ARID4B: variants seen among roughly 807,000 people sequenced by gnomAD.
ARID4B encodes the protein AT-rich interactive domain-containing protein 4B.
ARID4B carries 26 observed loss-of-function variants against 147.5 expected under a neutral mutation model. That is an observed-to-expected ratio of 0.18 (90% CI 0.13 to 0.24). ARID4B has a LOEUF of 0.24. ARID4B is among the 10% of genes least tolerant of loss of function. ARID4B has a pLI of 1.00. For synonymous variants in ARID4B, 512 were observed against 507.9 expected, an observed-to-expected ratio of 1.01 and a Z score of -0.11; for missense variants, 1,179 against 1,511.5, an observed-to-expected ratio of 0.78 and a Z score of 3.65.
chr1:235,264,101 G>C (rs1028733991), intron 2 of ARID4B, among the ~76,000 whole-genome samples: 1 of 152,168 alleles, frequency 6.6e-6, no homozygotes, highest in Non-Finnish European at 1.5e-5. Context: ...AGAAAAAGCA[G>C]TGATCTGTGT....
At chr1:235,189,545 A>T (rs1664941785) in intron 19 of ARID4B, among the ~76,000 whole-genome samples, 1 of 152,112 alleles carries the variant, frequency 6.6e-6, no homozygotes, top group South Asian at 2.1e-4. Context: ...TTAAAAGGTG[A>T]GCATATTAGA....
chr1:235,295,897 C>G (rs1299434445), intron 2 of ARID4B: 1 of 152,722 alleles, frequency 6.5e-6, no homozygotes. Flanking sequence ...AGCCCCTGCT[C>G]TCCCAACGTC....
intron 20 of ARID4B, among the ~76,000 whole-genome samples, chr1:235,178,164 G>C (rs1664023077): frequency 6.6e-6 from 1 of 151,988 alleles, no homozygotes; most frequent in African/African-American, 2.4e-5. Context: ...AAAAAAATCA[G>C]ATATAAACTG....
At chr1:235,314,377 GTTA>G (rs1250097829) in intron 2 of ARID4B, among the ~76,000 whole-genome samples, 1 of 152,120 alleles carries the variant, frequency 6.6e-6, no homozygotes, top group Non-Finnish European at 1.5e-5. Context: ...CAAGGTAGCT[GTTA>G]TTATTCTCAT....
chr1:235,302,170 AAAAAAAAC>A (rs1673207274), intron 2 of ARID4B, among the ~76,000 whole-genome samples: 1 of 145,854 alleles, frequency 6.9e-6, no homozygotes, highest in South Asian at 2.2e-4. Context: ...AAAAAAAAAA[AAAAAAAAC>A]AGCAAAAAAA....
chr1:235,187,075 T>C, intron 19 of ARID4B: 1 of 384,186 alleles, frequency 2.6e-6, no homozygotes, highest in Non-Finnish European at 4.9e-6. Flanking sequence ...CTGCATCTTA[T>C]TCTTTTTTTT....
At chr1:235,229,790 A>G (rs918974104) in intron 10 of ARID4B, among the ~76,000 whole-genome samples, 9 of 152,268 alleles carry the variant, frequency 5.9e-5, no homozygotes, top group Admixed American at 5.9e-4. Context: ...AATATACAAT[A>G]CCTGAAAACT....
chr1:235,214,191 C>CTG (rs1666899571), intron 16 of ARID4B, among the ~76,000 whole-genome samples, 165 bp from the exon 17 acceptor site: 1 of 152,080 alleles, frequency 6.6e-6, no homozygotes, highest in South Asian at 2.1e-4. Context: ...AAAACTAAAA[C>CTG]TGTAAGACAA....
At chr1:235,273,098 C>T (rs186923814) in intron 2 of ARID4B, among the ~76,000 whole-genome samples, 13 of 152,272 alleles carry the variant, frequency 8.5e-5, no homozygotes, top group African/African-American at 7.2e-5. Flanking sequence ...AGTGCAGTGG[C>T]GCAATCTTGG....
rs575255158 is a variant in ARID4B at position 235,208,780 on chromosome 1, G to A, written c.1841+4989C>T. Among the ~76,000 whole-genome samples, 6 of 152,218 alleles carry A rather than the reference G, an allele frequency of 3.9e-5. No individual in the cohort carries two copies. The South Asian group carries it at 1.2e-3, about 32-fold the overall frequency. ...GATCCGCCCACCTCGGCCTCCCAAA[G>A]TGCTGGGATTACAGGCGTGAGCCAC... On this transcript the variant is annotated intron_variant, in intron 17 of 23. Coordinates refer to ENST00000264183, the MANE Select transcript of ARID4B (RefSeq NM_016374.6).
chr1:235,313,625 G>T (rs546334484), intron 2 of ARID4B, among the ~76,000 whole-genome samples: 2 of 152,258 alleles, frequency 1.3e-5, no homozygotes, highest in South Asian at 4.1e-4. Context: ...TGCTTATCCA[G>T]AAAATAAGTA....
At chr1:235,268,030 T>C (rs967419525) in intron 2 of ARID4B, among the ~76,000 whole-genome samples, 3 of 152,068 alleles carry the variant, frequency 2.0e-5, no homozygotes, top group African/African-American at 7.2e-5. Flanking sequence ...AAGGGTTGAA[T>C]AGGCACAAGG....
chr1:235,230,666 A>G (rs1399044081), intron 10 of ARID4B, among the ~76,000 whole-genome samples: 1 of 151,232 alleles, frequency 6.6e-6, no homozygotes, highest in Non-Finnish European at 1.5e-5. Context: ...TCACACCTGT[A>G]ATCCTAGCAC....
chr1:235,285,678 C>T (rs938940185), intron 2 of ARID4B, among the ~76,000 whole-genome samples: 3 of 152,132 alleles, frequency 2.0e-5, no homozygotes, highest in African/African-American at 4.8e-5. Flanking sequence ...CAACATGATC[C>T]GCTACCAAGG....
chr1:235,202,954 C>G (rs1307165737), intron 17 of ARID4B, among the ~76,000 whole-genome samples: 1 of 152,144 alleles, frequency 6.6e-6, no homozygotes. Context: ...ACAGAGTCTG[C>G]TAGGCACTGG....
chr1:235,252,181 G>A (rs1199961096), intron 6 of ARID4B, among the ~76,000 whole-genome samples: 16 of 152,160 alleles, frequency 1.1e-4, no homozygotes, highest in Admixed American at 9.8e-4. Flanking sequence ...GTCTCTGACC[G>A]TGTGACACAT....
intron 19 of ARID4B, among the ~76,000 whole-genome samples, 198 bp from the exon 20 acceptor site, chr1:235,182,991 G>A (rs1239329466): frequency 1.3e-5 from 2 of 151,928 alleles, no homozygotes; most frequent in Admixed American, 6.6e-5. Context: ...GTTCTATTAC[G>A]ATCACGGTGA....
intron 11 of ARID4B, chr1:235,228,274 G>A (rs1282184578): frequency 6.8e-6 from 1 of 146,410 alleles, no homozygotes; most frequent in Non-Finnish European, 1.5e-5. Flanking sequence ...AAAGAATTAG[G>A]TAGGTAGGTT....
At chr1:235,315,134 A>G (rs1398835175) in intron 2 of ARID4B, among the ~76,000 whole-genome samples, 1 of 152,200 alleles carries the variant, frequency 6.6e-6, no homozygotes, top group African/African-American at 2.4e-5. Flanking sequence ...TATCTGTCCC[A>G]TTGTCCAGGC....
Sources: allele counts gnomAD v4.1 joint callset (sites outside exome capture counted in the v4.1 genomes callset), GRCh38; gene constraint gnomAD v4.1.1; transcripts MANE v1.5; gene names NCBI Gene and HGNC (gene_info 2026-07-23, HGNC 2026-07-21).